Variants in NAV3 observed in about 807,000 individuals in gnomAD.
NAV3 encodes the protein neuron navigator 3.
In NAV3, 87 loss-of-function variants were observed where a neutral mutation model predicts 244.7. The ratio of observed to expected loss-of-function variants is 0.36; its 90% CI spans 0.30 to 0.42. NAV3 has a LOEUF of 0.42. Among genes scored for constraint, NAV3 ranks in the 20% least tolerant of loss-of-function variants. The pLI is 1.00. For synonymous variants in NAV3, 1,126 were observed against 1,042.2 expected, an observed-to-expected ratio of 1.08 and a Z score of -1.55; for missense variants, 2,663 against 2,893.3, an observed-to-expected ratio of 0.92 and a Z score of 1.83.
chr12:77,754,496 A>C (rs1275323999), intron 2 of NAV3, among the ~76,000 whole-genome samples: 1 of 152,162 alleles, frequency 6.6e-6, no homozygotes, highest in Admixed American at 6.6e-5. Context: ...TTTTCATGTT[A>C]TCAATTCACA....
At position 77,831,263 on chromosome 12, in the gene NAV3, G is replaced by T. The variant is rs917353915; in HGVS notation, c.-199G>T. ...TGAGAATGAATATGAATCCCAGCCA[G>T]CAAGAAAGAAAAGATACTTAACTAA... On this transcript the variant is annotated 5_prime_UTR_variant, in exon 1 of 40. Coordinates refer to ENST00000397909, the MANE Select transcript of NAV3 (RefSeq NM_001024383.2). The T allele has an allele frequency of 2.0e-6, 1 of 500,072 alleles. No homozygotes were observed. 31.0% of individuals were successfully genotyped at this position (500,072 alleles called of 1,614,324 possible).
chr12:78,059,156 G>A lies in NAV3; in HGVS notation c.2636+41G>A, dbSNP rs202056060. On this transcript the variant is annotated intron_variant, in intron 12 of 39. Coordinates refer to ENST00000397909, the MANE Select transcript of NAV3 (RefSeq NM_001024383.2). ...TATATGATGGTGAGACATGCATGAA[G>A]TAATTTTATAAATAAGAAAATAACA... is the stretch of plus-strand genomic sequence containing the variant. 2.6e-4 allele frequency: 404 copies of A among 1,576,762 alleles called. 2 individuals carry two copies. In the Middle Eastern group the frequency reaches 6.7e-3, roughly 26 times the overall value.
intron 12 of NAV3, among the ~76,000 whole-genome samples, chr12:78,088,473 C>T (rs1358181432): frequency 6.6e-6 from 1 of 152,074 alleles, no homozygotes; most frequent in African/African-American, 2.4e-5. Context: ...TTTCCTTTCA[C>T]TTTCACCTTC....
At chr12:77,766,024 C>T (rs1487121680) in intron 2 of NAV3, among the ~76,000 whole-genome samples, 1 of 152,000 alleles carries the variant, frequency 6.6e-6, no homozygotes. Flanking sequence ...CAGAAATTGC[C>T]ATCAGTTAAG....
chr12:77,965,982 A>T (rs985328884), intron 3 of NAV3, among the ~76,000 whole-genome samples: 1 of 152,174 alleles, frequency 6.6e-6, no homozygotes, highest in African/African-American at 2.4e-5. Flanking sequence ...TGGGTTGCTA[A>T]TCTGCAAGAA....
intron 9 of NAV3, among the ~76,000 whole-genome samples, chr12:78,022,515 T>C (rs1449325795): frequency 6.6e-6 from 1 of 152,064 alleles, no homozygotes; most frequent in Non-Finnish European, 1.5e-5. Context: ...CCCTAAAGGG[T>C]GAGAGAGTAC....
At chr12:77,948,666 C>T (rs893316517) in intron 3 of NAV3, among the ~76,000 whole-genome samples, 2 of 143,198 alleles carry the variant, frequency 1.4e-5, no homozygotes, top group African/African-American at 5.3e-5. Flanking sequence ...CTTATTGCTC[C>T]TTCTTTTTCA....
At chr12:77,912,258 C>T (rs1411789181) in intron 1 of NAV3, among the ~76,000 whole-genome samples, 1 of 152,024 alleles carries the variant, frequency 6.6e-6, no homozygotes, top group Non-Finnish European at 1.5e-5. Flanking sequence ...CTAGTGTCCT[C>T]ATGAGAAGAC....
intron 2 of NAV3, among the ~76,000 whole-genome samples, chr12:77,803,270 C>G (rs1871808480): frequency 6.6e-6 from 1 of 152,026 alleles, no homozygotes; most frequent in Non-Finnish European, 1.5e-5. Context: ...AATGCTATCC[C>G]TCTCCTAGCC....
intron 2 of NAV3, among the ~76,000 whole-genome samples, chr12:77,737,830 G>A (rs141228510): frequency 5.1e-4 from 77 of 152,170 alleles, no homozygotes; most frequent in Middle Eastern, 3.4e-3. Context: ...TCGGTATTTC[G>A]CATTTGTCTA....
At chr12:77,878,362 A>T (rs1377736681) in intron 1 of NAV3, among the ~76,000 whole-genome samples, 1 of 152,032 alleles carries the variant, frequency 6.6e-6, no homozygotes, top group Admixed American at 6.5e-5. Flanking sequence ...AGTAGCTAGG[A>T]TTACAGGCAT....
At chr12:77,941,772 A>T (rs1889894592) in intron 3 of NAV3, among the ~76,000 whole-genome samples, 1 of 152,206 alleles carries the variant, frequency 6.6e-6, no homozygotes, top group Non-Finnish European at 1.5e-5. Context: ...TTTCTTAATT[A>T]AAAAGCCACA....
At chr12:77,976,109 G>A (rs770071117) in intron 5 of NAV3, among the ~76,000 whole-genome samples, 16 of 152,114 alleles carry the variant, frequency 1.1e-4, no homozygotes, top group Non-Finnish European at 2.1e-4. Context: ...GAAAGATGGC[G>A]TTTCCATTTG....
chr12:77,657,438 CA>C (rs1279090700), intron 2 of NAV3, among the ~76,000 whole-genome samples: 1 of 152,030 alleles, frequency 6.6e-6, no homozygotes, highest in Non-Finnish European at 1.5e-5. Flanking sequence ...AGACCAATAA[CA>C]GGAGCTGAAA....
intron 2 of NAV3, among the ~76,000 whole-genome samples, chr12:77,725,294 C>T (rs1163491767): frequency 3.3e-5 from 5 of 151,876 alleles, no homozygotes; most frequent in Non-Finnish European, 7.4e-5. Flanking sequence ...ATTTCTGTAT[C>T]TCAGTGCTAA....
intron 34 of NAV3, 47 bp downstream of exon 34, chr12:78,190,266 G>A (rs1744648484): frequency 6.8e-7 from 1 of 1,461,358 alleles, no homozygotes; most frequent in African/African-American, 1.4e-5. Context: ...ATCCATAAGT[G>A]TTTTAAGCAA....
chr12:77,685,702 C>T (rs768189631), intron 2 of NAV3, among the ~76,000 whole-genome samples: 16 of 152,112 alleles, frequency 1.1e-4, no homozygotes, highest in Non-Finnish European at 2.1e-4. Flanking sequence ...TCATTGCCAA[C>T]CCATTTCAAA....
intron 12 of NAV3, among the ~76,000 whole-genome samples, chr12:78,066,295 A>G (rs1440156795): frequency 2.0e-5 from 3 of 152,106 alleles, no homozygotes; most frequent in Admixed American, 6.6e-5. Flanking sequence ...GAAGGTTTTT[A>G]CCACAAAATA....
chr12:77,994,769 C>G, intron 5 of NAV3, 34 bp from the exon 6 acceptor site: 1 of 1,551,556 alleles, frequency 6.4e-7, no homozygotes. Context: ...CAAAGAATCT[C>G]TTTAATTCAA....
Sources: allele counts gnomAD v4.1 joint callset (sites outside exome capture counted in the v4.1 genomes callset), GRCh38; gene constraint gnomAD v4.1.1; transcripts MANE v1.5; gene names NCBI Gene and HGNC (gene_info 2026-07-23, HGNC 2026-07-21).